The following CDH12 variants were observed in gnomAD, a reference collection of about 807,000 sequenced individuals.
CDH12 encodes the protein cadherin-12.
In CDH12, 41 loss-of-function variants were observed where a neutral mutation model predicts 74.1. The ratio of observed to expected loss-of-function variants is 0.55; its 90% CI spans 0.43 to 0.72. The LOEUF (loss-of-function observed/expected upper bound fraction) is 0.72. Among genes scored for constraint, CDH12 ranks in the 30% least tolerant of loss-of-function variants. The probability of loss-of-function intolerance (pLI) is 0.00; values close to 1 mark genes in which losing one functional copy is unlikely to be tolerated. For synonymous variants in CDH12, 399 were observed against 355.0 expected, an observed-to-expected ratio of 1.12 and a Z score of -1.39; for missense variants, 945 against 977.2, an observed-to-expected ratio of 0.97 and a Z score of 0.44.
chr5:22,458,372 C>G (rs1370015765), intron 2 of CDH12, among the ~76,000 whole-genome samples: 2 of 152,190 alleles, frequency 1.3e-5, no homozygotes, highest in Admixed American at 1.3e-4. Context: ...CTCATCTTAA[C>G]TTGATTCCAT....
chr5:21,927,187 T>A (rs6452036), intron 6 of CDH12, among the ~76,000 whole-genome samples: 112,857 of 152,146 alleles, frequency 0.74, 44,642 homozygotes, highest in East Asian at 0.93. Flanking sequence ...AGCAAAATTT[T>A]AAATTATATG....
intron 5 of CDH12, among the ~76,000 whole-genome samples, chr5:21,982,846 G>T (rs1561346977): frequency 1.3e-5 from 2 of 151,808 alleles, no homozygotes; most frequent in Non-Finnish European, 2.9e-5. Context: ...CTATGTAATT[G>T]CTGTAGTTTT....
intron 6 of CDH12, among the ~76,000 whole-genome samples, chr5:21,948,178 C>T (rs1388610498): frequency 6.6e-6 from 1 of 152,160 alleles, no homozygotes; most frequent in African/African-American, 2.4e-5. Context: ...CACACAGAGT[C>T]CCCACTGGGG....
intron 5 of CDH12, among the ~76,000 whole-genome samples, chr5:22,055,382 G>A (rs1740666259): frequency 6.6e-6 from 1 of 152,076 alleles, no homozygotes; most frequent in African/African-American, 2.4e-5. Flanking sequence ...TTGAAGCCTA[G>A]GACTTAATGG....
At chr5:22,270,749 G>A (rs1158103010) in intron 3 of CDH12, among the ~76,000 whole-genome samples, 1 of 151,900 alleles carries the variant, frequency 6.6e-6, no homozygotes, top group African/African-American at 2.4e-5. Flanking sequence ...TCGGCTCACT[G>A]CATCCTCCAC....
chr5:22,092,912 A>T (rs1446501608), intron 4 of CDH12, among the ~76,000 whole-genome samples: 1 of 152,192 alleles, frequency 6.6e-6, no homozygotes, highest in Non-Finnish European at 1.5e-5. Context: ...AGAGGGTTCA[A>T]GGGATTTGGG....
chr5:22,496,208 A>C (rs1010029656), intron 2 of CDH12, among the ~76,000 whole-genome samples: 1 of 152,182 alleles, frequency 6.6e-6, no homozygotes, highest in African/African-American at 2.4e-5. Context: ...GACATATCCA[A>C]CACAGCTAAG....
intron 1 of CDH12, among the ~76,000 whole-genome samples, chr5:22,712,933 A>C (rs1254696692): frequency 6.6e-6 from 1 of 152,058 alleles, no homozygotes; most frequent in African/African-American, 2.4e-5. Context: ...TTAGTTTTAA[A>C]ATTTCCACTA....
intron 3 of CDH12, among the ~76,000 whole-genome samples, chr5:22,264,798 C>A (rs1340041145): frequency 6.6e-6 from 1 of 152,170 alleles, no homozygotes; most frequent in Non-Finnish European, 1.5e-5. Flanking sequence ...GTCTTCTTCT[C>A]TAACTGTAAC....
At chr5:22,292,335 G>GT (rs1737425542) in intron 3 of CDH12, among the ~76,000 whole-genome samples, 4 of 77,328 alleles carry the variant, frequency 5.2e-5, no homozygotes, top group African/African-American at 2.1e-4. Context: ...GGGGTTTTTG[G>GT]TTTTTGTTTT....
chr5:22,164,114 G>T lies in CDH12; in HGVS notation c.-187+48384C>A, dbSNP rs375701994. ...GACTCTCATCCTAGTGTTACCAGGG[G>T]TCCTTGCTCCCAGAGCTCCCAAGAT... is the stretch of plus-strand genomic sequence containing the variant. On this transcript the variant is annotated intron_variant, in intron 4 of 14. Transcript: ENST00000382254. 1.3e-4 allele frequency among the ~76,000 whole-genome samples: 20 copies of T among 152,244 alleles called. No homozygotes were observed. The East Asian group carries it at 2.7e-3, about 21-fold the overall frequency.
chr5:22,189,485 T>C (rs1323059750), intron 4 of CDH12, among the ~76,000 whole-genome samples: 1 of 152,092 alleles, frequency 6.6e-6, no homozygotes, highest in Non-Finnish European at 1.5e-5. Context: ...GCATACTGTA[T>C]GCTACTAAAG....
intron 4 of CDH12, among the ~76,000 whole-genome samples, chr5:22,191,644 A>C (rs1397709703): frequency 7.5e-5 from 2 of 26,792 alleles, no homozygotes; most frequent in Admixed American, 6.2e-4. Flanking sequence ...GGCTCACTGC[A>C]AGCTCCGCCT....
chr5:22,817,276 T>C (rs751995840), intron 1 of CDH12, among the ~76,000 whole-genome samples: 41 of 152,252 alleles, frequency 2.7e-4, no homozygotes, highest in Non-Finnish European at 2.8e-4. Context: ...GAATGTACTT[T>C]AGTAAAAAAT....
rs551689341 is a variant in CDH12 at position 22,362,993 on chromosome 5, AATGGGTGCAGCACACCAAC to A, written c.-333+42245_-333+42263del. 5.7e-3 allele frequency among the ~76,000 whole-genome samples: 868 copies of A among 151,644 alleles called. 7 individuals carry two copies. The highest frequency in any genetic ancestry group is 0.013 in the South Asian group (60 of 4,770). Reference sequence around the variant, plus strand: ...TACACCTAATGCTAAATGACGAGTTAATGGGTGCAGCACACCAACATGGCACATGTATATGTATGTAACA... The same window carrying A: ...TACACCTAATGCTAAATGACGAGTTAATGGCACATGTATATGTATGTAACA... On this transcript the variant is annotated intron_variant, in intron 3 of 14. Transcript: ENST00000382254.
intron 4 of CDH12, among the ~76,000 whole-genome samples, chr5:22,192,798 T>C (rs926367065): frequency 1.3e-5 from 2 of 152,174 alleles, no homozygotes; most frequent in Non-Finnish European, 2.9e-5. Flanking sequence ...AAGGTTATAT[T>C]TGTATTTGAA....
chr5:22,829,140 A>G (rs992849185), intron 1 of CDH12, among the ~76,000 whole-genome samples: 1 of 152,132 alleles, frequency 6.6e-6, no homozygotes, highest in African/African-American at 2.4e-5. Context: ...GTTATTGGGG[A>G]AAAATGGAGG....
chr5:22,451,406 G>T (rs1320808616), intron 2 of CDH12, among the ~76,000 whole-genome samples: 1 of 151,842 alleles, frequency 6.6e-6, no homozygotes, highest in East Asian at 1.9e-4. Flanking sequence ...GCAATGCGAG[G>T]ATGGTTCACT....
intron 4 of CDH12, among the ~76,000 whole-genome samples, chr5:22,175,201 T>C (rs1049036487): frequency 3.9e-5 from 6 of 152,034 alleles, no homozygotes; most frequent in African/African-American, 7.2e-5. Context: ...ATAGGGTTTC[T>C]AAACATGCCT....
Sources: allele counts gnomAD v4.1 joint callset (sites outside exome capture counted in the v4.1 genomes callset), GRCh38; gene constraint gnomAD v4.1.1; transcripts MANE v1.5; gene names NCBI Gene and HGNC (gene_info 2026-07-23, HGNC 2026-07-21).